The following SNCAIP variants were observed in gnomAD, a reference collection of about 807,000 sequenced individuals.
The protein encoded by SNCAIP is synuclein alpha interacting protein.
In SNCAIP, 43 loss-of-function variants were observed where a neutral mutation model predicts 86.7. That is an observed-to-expected ratio of 0.50 (90% CI 0.39 to 0.64). The LOEUF is 0.64. Ranked by LOEUF, SNCAIP falls within the 30% of genes least tolerant of loss-of-function variation. The pLI is 0.00. For synonymous variants in SNCAIP, 417 were observed against 427.2 expected, an observed-to-expected ratio of 0.98 and a Z score of 0.29; for missense variants, 981 against 1,103.1, an observed-to-expected ratio of 0.89 and a Z score of 1.57.
intron 10 of SNCAIP, among the ~76,000 whole-genome samples, chr5:122,461,672 T>TTG (rs1786308024): frequency 6.7e-6 from 1 of 150,216 alleles, no homozygotes; most frequent in Non-Finnish European, 1.5e-5. Context: ...TATAGCTGTT[T>TTG]TTTTTTTTTT....
chr5:122,380,170 T>G (rs1331428018), intron 1 of SNCAIP, among the ~76,000 whole-genome samples: 1 of 152,220 alleles, frequency 6.6e-6, no homozygotes, highest in East Asian at 1.9e-4. Context: ...CATCTGGTCC[T>G]GTACTCTTTT....
chr5:122,415,467 A>G (rs1156240917), intron 3 of SNCAIP, among the ~76,000 whole-genome samples: 1 of 151,928 alleles, frequency 6.6e-6, no homozygotes, highest in East Asian at 1.9e-4. Flanking sequence ...CTAAAGACAT[A>G]CCCCATTTTC....
Position 122,424,103 on chromosome 5 carries a change from T to C in SNCAIP, c.1002+364T>C, listed in dbSNP as rs184962063. ...CAGCTATTTGTGAGGATGTCAATTC[T>C]TGGCTGATGGTGGACCTGCCAGACA... On this transcript the variant is annotated intron_variant, in intron 4 of 10. Transcript: ENST00000261368. Among the ~76,000 whole-genome samples the C allele has an allele frequency of 2.0e-3, 298 of 152,356 alleles. 1 individual carries two copies. Among genetic ancestry groups the C allele is most frequent in the African/African-American group, 6.6e-3 (276 of 41,582 alleles).
In SNCAIP at chr5:122,365,547, C is replaced by T. The variant is rs191991483; in HGVS notation, c.-46-25542C>T. Among the ~76,000 whole-genome samples, 198 of 152,220 alleles carry T rather than the reference C, an allele frequency of 1.3e-3. 2 individuals carry two copies. Among genetic ancestry groups the T allele is most frequent in the African/African-American group, 4.3e-3 (179 of 41,540 alleles). ...TACAAAAATTAGCTGGGCGTGGTGA[C>T]GCATGCCTGTAATCCCAGCTACTTG... On this transcript the variant is annotated intron_variant, in intron 1 of 10. Transcript: ENST00000261368.
chr5:122,318,523 AAATG>A (rs1752274321), intron 1 of SNCAIP, among the ~76,000 whole-genome samples: 1 of 152,222 alleles, frequency 6.6e-6, no homozygotes, highest in Non-Finnish European at 1.5e-5. Context: ...ATTTTTAAAT[AAATG>A]AGAGAAAAAT....
chr5:122,424,607 T>G (rs1386617302), intron 4 of SNCAIP, among the ~76,000 whole-genome samples: 1 of 152,264 alleles, frequency 6.6e-6, no homozygotes, highest in Non-Finnish European at 1.5e-5. Flanking sequence ...AATAATTTTA[T>G]GAAATAAAGT....
At chr5:122,324,817 A>G (rs907209073) in intron 1 of SNCAIP, among the ~76,000 whole-genome samples, 2 of 152,376 alleles carry the variant, frequency 1.3e-5, no homozygotes, top group Admixed American at 6.5e-5. Flanking sequence ...TGGAGCTTTG[A>G]CAATAATGAG....
At chr5:122,457,523 C>T (rs964814794) in intron 10 of SNCAIP, among the ~76,000 whole-genome samples, 3 of 152,122 alleles carry the variant, frequency 2.0e-5, no homozygotes, top group African/African-American at 7.2e-5. Flanking sequence ...CAGTGTACCC[C>T]CAGGTGCTCC....
In SNCAIP at chr5:122,464,151, G is replaced by A. The variant is rs1056979112; in HGVS notation, c.*655G>A. 16 of 152,142 alleles carry A rather than the reference G, an allele frequency of 1.1e-4. No homozygotes were observed. The highest frequency in any genetic ancestry group is 3.9e-4 in the African/African-American group (16 of 41,424). 9.4% of individuals were successfully genotyped at this position (152,142 alleles called of 1,614,324 possible). ...TTTTGATTGCTGATATTTGATTTCA[G>A]GAACAAACTGCTCAGTTTAGCAGTT... On this transcript the variant is annotated 3_prime_UTR_variant, in exon 11 of 11. Coordinates refer to ENST00000261368, the MANE Select transcript of SNCAIP (RefSeq NM_005460.4).
At chr5:122,341,933 T>G (rs1580514018) in intron 1 of SNCAIP, among the ~76,000 whole-genome samples, 1 of 152,322 alleles carries the variant, frequency 6.6e-6, no homozygotes, top group East Asian at 1.9e-4. Context: ...GGAATCTGAA[T>G]GAAGTTAAAG....
chr5:122,417,206 T>C (rs997850739), intron 3 of SNCAIP, among the ~76,000 whole-genome samples: 1 of 152,182 alleles, frequency 6.6e-6, no homozygotes, highest in Non-Finnish European at 1.5e-5. Context: ...AATACTAATT[T>C]ATCAGTCTTA....
chr5:122,425,861 A>G (rs901516075), intron 5 of SNCAIP, among the ~76,000 whole-genome samples: 26 of 152,232 alleles, frequency 1.7e-4, no homozygotes, highest in Non-Finnish European at 5.9e-5. Context: ...TAATATGACA[A>G]TAATGAGCAA....
intron 1 of SNCAIP, among the ~76,000 whole-genome samples, chr5:122,358,041 C>T (rs10058649): frequency 0.8 from 121,277 of 151,972 alleles, 49,394 homozygotes; most frequent in Admixed American, 0.9. Flanking sequence ...AATGAATGAA[C>T]AAGAGCCTTA....
At chr5:122,452,994 C>T (rs552386496) in intron 10 of SNCAIP, 114 of 1,537,450 alleles carry the variant, frequency 7.4e-5, no homozygotes, top group Middle Eastern at 1.7e-4. Context: ...TAACGACACA[C>T]GGTACGTGGT....
rs1300329356 is a variant in SNCAIP at position 122,451,042 on chromosome 5, G to T, written c.2195G>T (p.Arg732Met). 1.2e-6 allele frequency: 2 copies of T among 1,614,170 alleles called. No homozygotes were observed. Among genetic ancestry groups the T allele is most frequent in the South Asian group, 2.2e-5 (2 of 91,076 alleles). Reference sequence around the variant, plus strand: ...CACACCTTGGCATCAGGGGGACGCAGGTTTCCTTTCAGCATCAAGGCCTCC... The same window carrying T: ...CACACCTTGGCATCAGGGGGACGCATGTTTCCTTTCAGCATCAAGGCCTCC... ...KKHTLASGGRRFPFSIKASKS... is the reference protein window; with the variant it reads ...KKHTLASGGRMFPFSIKASKS... Residue 732 changes from arginine (R) to methionine (M), a missense_variant, in exon 10 of 11, where the codon AGG becomes ATG. Arg to Met is a moderately conservative substitution (Grantham distance 91). Coordinates refer to ENST00000261368, the MANE Select transcript of SNCAIP (RefSeq NM_005460.4).
At chr5:122,430,338 CAG>C (rs1778165018) in intron 5 of SNCAIP, among the ~76,000 whole-genome samples, 1 of 152,144 alleles carries the variant, frequency 6.6e-6, no homozygotes, top group Non-Finnish European at 1.5e-5. Flanking sequence ...ATTTGTCTGA[CAG>C]AGTTATTGCG....
At chr5:122,454,922 G>A (rs1298091542) in intron 10 of SNCAIP, among the ~76,000 whole-genome samples, 2 of 152,178 alleles carry the variant, frequency 1.3e-5, no homozygotes, top group African/African-American at 2.4e-5. Flanking sequence ...ACAAAATGAG[G>A]TTATGGGGCT....
At chr5:122,387,981 G>A (rs1768560757) in intron 1 of SNCAIP, among the ~76,000 whole-genome samples, 1 of 152,206 alleles carries the variant, frequency 6.6e-6, no homozygotes, top group Admixed American at 6.5e-5. Flanking sequence ...CAAAATTGGG[G>A]GTAATGGTTG....
At chr5:122,426,665 G>C (rs116083214) in intron 5 of SNCAIP, among the ~76,000 whole-genome samples, 2,135 of 152,128 alleles carry the variant, frequency 0.014, 59 homozygotes, top group African/African-American at 0.048. Flanking sequence ...TGCTTTGGTT[G>C]TAAGTGATAT....
Sources: gnomAD v4.1 joint callset for allele counts (sites outside exome capture counted in the v4.1 genomes callset) on GRCh38, gnomAD v4.1.1 for gene constraint, MANE v1.5 for transcripts, NCBI Gene and HGNC (gene_info 2026-07-23, HGNC 2026-07-21) for gene names.